LEKR1: variants seen among roughly 807,000 people sequenced by gnomAD.
The protein encoded by LEKR1 is protein LEKR1.
In LEKR1, 59 loss-of-function variants were observed where a neutral mutation model predicts 72.4. That is an observed-to-expected ratio of 0.82 (90% CI 0.66 to 1.01). LEKR1 has a LOEUF of 1.01. Ranked by LOEUF, LEKR1 falls within the 50% of genes least tolerant of loss-of-function variation. The pLI, the probability that LEKR1 is intolerant of heterozygous loss-of-function variation, is 0.00. For missense variants in LEKR1, 728 were observed against 759.2 expected (o/e 0.96, Z 0.48); for synonymous variants, 257 against 263.2 (o/e 0.98, Z 0.23).
intron 2 of LEKR1, among the ~76,000 whole-genome samples, chr3:156,842,060 G>C (rs1285322306): frequency 6.6e-6 from 1 of 152,162 alleles, no homozygotes; most frequent in Admixed American, 6.5e-5. Context: ...ACTAATGCCT[G>C]ATGATCCGAG....
intron 3 of LEKR1, among the ~76,000 whole-genome samples, chr3:156,907,093 T>C (rs185036723): frequency 3.9e-5 from 6 of 151,926 alleles, no homozygotes; most frequent in Non-Finnish European, 2.9e-5. Context: ...TTTAAAACAA[T>C]TTTTTTAGAT....
chr3:156,972,316 G>A (rs1729282428), intron 6 of LEKR1, among the ~76,000 whole-genome samples: 1 of 150,854 alleles, frequency 6.6e-6, no homozygotes, highest in Non-Finnish European at 1.5e-5. Flanking sequence ...ACAGGAAGGG[G>A]AACATCACAC....
intron 10 of LEKR1, among the ~76,000 whole-genome samples, chr3:157,013,615 G>A (rs184736653): frequency 4.6e-5 from 7 of 152,088 alleles, no homozygotes; most frequent in African/African-American, 1.7e-4. Flanking sequence ...GAAAGGGCAC[G>A]ACTTCTTGTT....
intron 7 of LEKR1, among the ~76,000 whole-genome samples, chr3:156,981,299 T>C (rs2108000461): frequency 6.6e-6 from 1 of 152,304 alleles, no homozygotes; most frequent in East Asian, 1.9e-4. Context: ...TGCTTTGTGG[T>C]ATTTTTGTTT....
rs186413547 is a variant in LEKR1 at position 156,903,278 on chromosome 3, G to T, written c.264-17297G>T. Among the ~76,000 whole-genome samples the T allele has an allele frequency of 6.2e-3, 938 of 152,090 alleles. 11 individuals carry two copies. Among genetic ancestry groups the T allele is most frequent in the African/African-American group, 0.021 (892 of 41,496 alleles). ...TTGATATATCTTTGTTAATTTGTTA[G>T]ATTAAAATATAGTTTTAATTTCCAT... On this transcript the variant is annotated intron_variant, in intron 3 of 12. Coordinates refer to ENST00000356539, the MANE Select transcript of LEKR1 (RefSeq NM_001004316.3).
At chr3:156,974,792 T>G (rs1729546660) in intron 6 of LEKR1, among the ~76,000 whole-genome samples, 1 of 152,194 alleles carries the variant, frequency 6.6e-6, no homozygotes, top group Non-Finnish European at 1.5e-5. Flanking sequence ...TCATCCATAG[T>G]TAACAAGTTT....
At position 157,029,682 on chromosome 3, in the gene LEKR1, G is replaced by C. The variant is rs529534100; in HGVS notation, c.1668+1280G>C. 7.2e-5 allele frequency among the ~76,000 whole-genome samples: 11 copies of C among 152,260 alleles called. No individual in the cohort carries two copies. In the East Asian group the frequency reaches 2.1e-3, roughly 29 times the overall value. On this transcript the variant is annotated intron_variant, in intron 12 of 12. Transcript: ENST00000356539. ...GAAGCCGCACCCCTAGTTCAGGCAG[G>C]AGTAAGGAGGGAGAGCACACGTGGA...
At chr3:156,996,133 A>T (rs543039479) in intron 9 of LEKR1, among the ~76,000 whole-genome samples, 1 of 152,142 alleles carries the variant, frequency 6.6e-6, no homozygotes, top group South Asian at 2.1e-4. Flanking sequence ...TACATAGCTT[A>T]TATTTTAAGG....
chr3:156,942,192 A>C (rs1180410324), intron 5 of LEKR1, among the ~76,000 whole-genome samples: 3 of 152,022 alleles, frequency 2.0e-5, no homozygotes, highest in African/African-American at 7.2e-5. Context: ...GTTGCTTAAA[A>C]AAAAGATCAT....
chr3:156,882,002 A>G (rs1719420432), intron 3 of LEKR1, among the ~76,000 whole-genome samples: 1 of 142,148 alleles, frequency 7.0e-6, no homozygotes, highest in East Asian at 2.0e-4. Context: ...AAATCAATTC[A>G]AGATGGATTA....
intron 3 of LEKR1, 26 bp downstream of exon 3, chr3:156,853,008 A>G (rs983229541): frequency 4.1e-6 from 6 of 1,450,436 alleles, no homozygotes; most frequent in African/African-American, 2.8e-5. Context: ...CTTTTCTATC[A>G]TTTATTTAGT....
intron 6 of LEKR1, among the ~76,000 whole-genome samples, chr3:156,974,048 A>G (rs904774538): frequency 1.9e-4 from 29 of 152,146 alleles, no homozygotes; most frequent in African/African-American, 1.4e-4. Context: ...AAATTGTCCT[A>G]TAAGTACACA....
intron 6 of LEKR1, among the ~76,000 whole-genome samples, chr3:156,970,711 C>T (rs529858654): frequency 2.0e-5 from 3 of 152,090 alleles, no homozygotes; most frequent in East Asian, 3.9e-4. Context: ...AGACAGAGAG[C>T]CAAATCATAA....
Position 156,929,800 on chromosome 3 carries a change from T to C in LEKR1, c.559+2196T>C, listed in dbSNP as rs539246127. On this transcript the variant is annotated intron_variant, in intron 5 of 12. Transcript: ENST00000356539. ...TATTTTTACTCTGCATGTTCTGTTC[T>C]AAGCGTCATCTTGAGCCTTGCACAT... Among the ~76,000 whole-genome samples the C allele has an allele frequency of 4.2e-4, 64 of 152,304 alleles. No homozygotes were observed. In the South Asian group the frequency reaches 0.013, roughly 31 times the overall value.
intron 7 of LEKR1, among the ~76,000 whole-genome samples, chr3:156,982,522 A>G (rs1354362346): frequency 6.6e-6 from 1 of 152,218 alleles, no homozygotes; most frequent in Non-Finnish European, 1.5e-5. Flanking sequence ...CAGGGCTGCT[A>G]CAATTACCTT....
chr3:157,027,344 C>T (rs1036640102), intron 11 of LEKR1, among the ~76,000 whole-genome samples: 1 of 151,852 alleles, frequency 6.6e-6, no homozygotes, highest in Admixed American at 6.6e-5. Flanking sequence ...ATCTGGAGTT[C>T]CTCCAGCCAT....
chr3:156,903,409 G>C (rs1419076347), intron 3 of LEKR1, among the ~76,000 whole-genome samples: 1 of 151,638 alleles, frequency 6.6e-6, no homozygotes, highest in Non-Finnish European at 1.5e-5. Context: ...CCATTTTTAA[G>C]GATCGGTAGA....
intron 2 of LEKR1, among the ~76,000 whole-genome samples, chr3:156,830,983 G>GT (rs142571124): frequency 4.6e-5 from 7 of 152,030 alleles, no homozygotes; most frequent in South Asian, 2.1e-4. Flanking sequence ...TGTTTGTTTT[G>GT]TTTTTTTGCA....
At chr3:156,990,914 C>A (rs1424547836) in intron 7 of LEKR1, among the ~76,000 whole-genome samples, 2 of 152,140 alleles carry the variant, frequency 1.3e-5, no homozygotes, top group African/African-American at 4.8e-5. Flanking sequence ...GGTTCTGAAT[C>A]TGCTCATGTG....
Sources: allele counts gnomAD v4.1 joint callset (sites outside exome capture counted in the v4.1 genomes callset), GRCh38; gene constraint gnomAD v4.1.1; transcripts MANE v1.5; gene names NCBI Gene and HGNC (gene_info 2026-07-23, HGNC 2026-07-21).